COLEC10: variants seen among roughly 807,000 people sequenced by gnomAD.
The protein encoded by COLEC10 is collectin-10.
Under a neutral mutation model 28.4 loss-of-function variants are expected in COLEC10, and 22 were observed. The observed-to-expected ratio is 0.78, with a 90% confidence interval of 0.55 to 1.11. The LOEUF (loss-of-function observed/expected upper bound fraction) is 1.11. Ranked by LOEUF, COLEC10 falls within the 50% of genes least tolerant of loss-of-function variation. COLEC10 has a pLI of 0.00. For synonymous variants in COLEC10, 125 were observed against 116.1 expected, an observed-to-expected ratio of 1.08 and a Z score of -0.49; for missense variants, 361 against 344.1, an observed-to-expected ratio of 1.05 and a Z score of -0.39.
At chr8:119,001,761 T>C (rs965870207) in intron 1 of COLEC10, among the ~76,000 whole-genome samples, 4 of 152,048 alleles carry the variant, frequency 2.6e-5, no homozygotes, top group Non-Finnish European at 4.4e-5. Context: ...AAGTTAGCAA[T>C]ATATTGTAGG....
intron 1 of COLEC10, among the ~76,000 whole-genome samples, chr8:119,001,532 A>G (rs1409057571): frequency 6.6e-6 from 1 of 152,172 alleles, no homozygotes; most frequent in South Asian, 2.1e-4. Context: ...ACTTTGTGGC[A>G]GCAGTGATGT....
intron 1 of COLEC10, among the ~76,000 whole-genome samples, chr8:119,080,568 C>A (rs1815348056): frequency 6.6e-6 from 1 of 152,090 alleles, no homozygotes; most frequent in Non-Finnish European, 1.5e-5. Context: ...TGAGACAGGA[C>A]TTGTGGGTAG....
the COLEC10 span, among the ~76,000 whole-genome samples, chr8:118,975,465 T>C: frequency 1.3e-5 from 2 of 152,054 alleles, no homozygotes; most frequent in South Asian, 4.1e-4. Context: ...ATTCACTTCA[T>C]TATTGTCAGA....
chr8:119,067,139 T>C (rs566872752), upstream of COLEC10: 40 of 723,238 alleles, frequency 5.5e-5, no homozygotes, highest in Admixed American at 1.6e-4. Context: ...CAACCTAGGG[T>C]ATGCTTCCTT....
the COLEC10 span, among the ~76,000 whole-genome samples, chr8:118,979,145 T>A: frequency 6.6e-6 from 1 of 152,002 alleles, no homozygotes; most frequent in African/African-American, 2.4e-5. Context: ...TTTAATCTAT[T>A]TGAAATGCAT....
At chr8:118,979,782 A>G in the COLEC10 span, among the ~76,000 whole-genome samples, 5 of 152,166 alleles carry the variant, frequency 3.3e-5, no homozygotes, top group African/African-American at 7.2e-5. Context: ...TATGTCTGGA[A>G]TAGCTTTCTA....
At chr8:118,964,751 ACAAAGTCAGCC>A in the COLEC10 span, among the ~76,000 whole-genome samples, 1 of 152,182 alleles carries the variant, frequency 6.6e-6, no homozygotes, top group African/African-American at 2.4e-5. Context: ...CCAGGAGTGA[ACAAAGTCAGCC>A]CTGTACCCTG....
At chr8:118,991,217 C>T (rs11992045), upstream of COLEC10, among the ~76,000 whole-genome samples, 7,411 of 152,070 alleles carry the variant, frequency 0.049, 279 homozygotes, top group East Asian at 0.17. Flanking sequence ...GGGCTTAAGG[C>T]CACACTGCCT....
chr8:119,077,040 G>A (rs141604163), intron 1 of COLEC10, among the ~76,000 whole-genome samples: 24 of 152,274 alleles, frequency 1.6e-4, no homozygotes, highest in African/African-American at 5.5e-4. Flanking sequence ...GAATGGCAAA[G>A]CTGGACAATG....
chr8:119,095,107 A>C (rs1815683675), intron 3 of COLEC10, among the ~76,000 whole-genome samples: 2 of 152,216 alleles, frequency 1.3e-5, no homozygotes, highest in Non-Finnish European at 2.9e-5. Context: ...TAATCTATAG[A>C]TAATCTATTT....
chr8:119,042,407 T>A (rs200313082), intron 2 of COLEC10, among the ~76,000 whole-genome samples: 3 of 20,638 alleles, frequency 1.5e-4, no homozygotes, highest in East Asian at 4.0e-3. Flanking sequence ...TAACTTAATT[T>A]ATTTATTTAT....
chr8:119,045,644 T>A (rs1032324902), intron 2 of COLEC10, among the ~76,000 whole-genome samples: 1 of 152,260 alleles, frequency 6.6e-6, no homozygotes, highest in East Asian at 1.9e-4. Context: ...GATTTTCTAC[T>A]TATAGAGAAT....
At chr8:119,104,580 A>T (rs1354391896) in intron 5 of COLEC10, among the ~76,000 whole-genome samples, 1 of 152,180 alleles carries the variant, frequency 6.6e-6, no homozygotes, top group Non-Finnish European at 1.5e-5. Context: ...AGTATTAATA[A>T]GGTAACTATT....
chr8:118,987,482 T>C, the COLEC10 span, among the ~76,000 whole-genome samples: 5 of 152,170 alleles, frequency 3.3e-5, no homozygotes, highest in East Asian at 9.7e-4. Context: ...GAAAATCTCT[T>C]GAACCCAGGA....
chr8:119,011,909 C>A (rs1459490760), intron 2 of COLEC10, among the ~76,000 whole-genome samples: 1 of 150,754 alleles, frequency 6.6e-6, no homozygotes, highest in Non-Finnish European at 1.5e-5. Flanking sequence ...CAAACAAAGG[C>A]AGTTTTATTT....
intron 2 of COLEC10, among the ~76,000 whole-genome samples, chr8:119,048,980 T>G (rs866908112): frequency 6.6e-6 from 1 of 152,186 alleles, no homozygotes; most frequent in Non-Finnish European, 1.5e-5. Context: ...ACAGTTCCTT[T>G]GGTTCCATGT....
chr8:119,085,351 A>G (rs1305176945), intron 1 of COLEC10, among the ~76,000 whole-genome samples: 1 of 152,174 alleles, frequency 6.6e-6, no homozygotes, highest in Non-Finnish European at 1.5e-5. Flanking sequence ...GGGAAGTAAA[A>G]GTACTAGGGA....
chr8:119,042,795 G>C (rs1028531751), intron 2 of COLEC10, among the ~76,000 whole-genome samples: 1 of 152,080 alleles, frequency 6.6e-6, no homozygotes. Context: ...ATTGCTTTGA[G>C]GATTAGTTGA....
At chr8:119,049,403 T>A (rs868753684) in intron 2 of COLEC10, among the ~76,000 whole-genome samples, 984 of 61,124 alleles carry the variant, frequency 0.016, 18 homozygotes, top group African/African-American at 0.062. Context: ...TTTCTTTTCT[T>A]TTTTTTTTTT....
Sources: allele counts gnomAD v4.1 joint callset (sites outside exome capture counted in the v4.1 genomes callset), GRCh38; gene constraint gnomAD v4.1.1; transcripts MANE v1.5; gene names NCBI Gene and HGNC (gene_info 2026-07-23, HGNC 2026-07-21).